Variants in VAX2 observed in about 807,000 individuals in gnomAD.
The protein encoded by VAX2 is ventral anterior homeobox 2.
Under a neutral mutation model 12.5 loss-of-function variants are expected in VAX2, and 8 were observed. The observed-to-expected ratio is 0.64, with a 90% confidence interval of 0.37 to 1.15. The LOEUF (loss-of-function observed/expected upper bound fraction) is 1.15. Among genes scored for constraint, VAX2 ranks in the 50% most tolerant of loss-of-function variants. The pLI is 0.01. For synonymous variants in VAX2, 183 were observed against 187.6 expected, an observed-to-expected ratio of 0.98 and a Z score of 0.20; for missense variants, 476 against 412.9, an observed-to-expected ratio of 1.15 and a Z score of -1.32.
intron 1 of VAX2, among the ~76,000 whole-genome samples, chr2:70,917,483 A>T (rs1201174167): frequency 6.6e-6 from 1 of 152,066 alleles, no homozygotes; most frequent in Non-Finnish European, 1.5e-5. Flanking sequence ...CCTACCAGCA[A>T]TGTAAGAGAG....
At chr2:70,930,112 C>CAGA (rs1679661460) in intron 2 of VAX2, among the ~76,000 whole-genome samples, 1 of 152,226 alleles carries the variant, frequency 6.6e-6, no homozygotes, top group Non-Finnish European at 1.5e-5. Context: ...GCAAGAGGAT[C>CAGA]ACTTGAGGCC....
At chr2:70,906,473 C>A (rs555364345) in intron 1 of VAX2, among the ~76,000 whole-genome samples, 2 of 150,112 alleles carry the variant, frequency 1.3e-5, no homozygotes, top group South Asian at 4.2e-4. Context: ...CCATCTCCCC[C>A]GTGGCCTTAA....
intron 1 of VAX2, 122 bp from the exon 2 acceptor site, chr2:70,920,976 T>C (rs782472813): frequency 9.1e-6 from 11 of 1,212,616 alleles, no homozygotes; most frequent in Non-Finnish European, 1.1e-5. Context: ...TCACAGGTCA[T>C]GCAACCAGAT....
At chr2:70,917,315 C>T (rs977070446) in intron 1 of VAX2, among the ~76,000 whole-genome samples, 1 of 106,496 alleles carries the variant, frequency 9.4e-6, no homozygotes, top group South Asian at 3.0e-4. Flanking sequence ...GAGCGAGACT[C>T]TATCTCCAAA....
rs1180829927 is a variant in VAX2, at chr2:70,900,829, C to T, written c.208C>T (p.Pro70Ser). The change falls in exon 1 of 3, where the codon CCC becomes TCC. Residue 70 changes from proline (P) to serine (S), a missense_variant. Physicochemically the swap from Pro to Ser is moderately conservative, Grantham distance 74 (BLOSUM62 -1). Transcript: ENST00000234392. Reference protein sequence around the residue: ...SGADSDGQPGPGEADHCRRIL... With the variant: ...SGADSDGQPGSGEADHCRRIL... ...AGCCGACAGCGACGGGCAGCCCGGG[C>T]CCGGCGAGGCAGACCACTGCCGCCG... is the stretch of plus-strand genomic sequence containing the variant. 5 of 1,472,950 alleles carry T rather than the reference C, an allele frequency of 3.4e-6. No homozygotes were observed. In the African/African-American group the frequency reaches 4.4e-5, roughly 13 times the overall value. 91.2% of individuals were successfully genotyped at this position (1,472,950 alleles called of 1,614,324 possible). A position where few individuals can be genotyped will look rare whatever the true frequency, so the allele number is the denominator to read the frequency against.
chr2:70,901,387 G>T (rs1242602376), intron 1 of VAX2, among the ~76,000 whole-genome samples: 2 of 152,250 alleles, frequency 1.3e-5, no homozygotes, highest in African/African-American at 4.8e-5. Context: ...CAGGGGAGAC[G>T]GCGCGGGACG....
chr2:70,900,614 C>G lies in VAX2; in HGVS notation c.-8C>G. ...TCCGCCGTAGAGGGGTTGGCAGTGG[C>G]GGTCAGCATGGGCGATGGGGGCGCC... On this transcript the variant is annotated 5_prime_UTR_variant, in exon 1 of 3. Transcript: ENST00000234392. 7.9e-7 allele frequency: 1 copy of G among 1,259,070 alleles called. No homozygotes were observed. The highest frequency in any genetic ancestry group is 1.6e-5 in the African/African-American group (1 of 64,484). The allele number at this position is 1,259,070 out of a possible 1,614,324, so 78.0% of individuals were successfully genotyped here.
chr2:70,919,221 G>A lies in VAX2; in HGVS notation c.248-1877G>A, dbSNP rs552294909. ...TGCACTTCAGCCTAAGCAACAGAGTGTGTCTCCACAAAAAAAAAAAAAAAA... is the reference window on the plus strand; with the variant it reads ...TGCACTTCAGCCTAAGCAACAGAGTATGTCTCCACAAAAAAAAAAAAAAAA... On this transcript the variant is annotated intron_variant, in intron 1 of 2. Coordinates refer to ENST00000234392, the MANE Select transcript of VAX2 (RefSeq NM_012476.3). Among the ~76,000 whole-genome samples, 15 of 139,518 alleles carry A rather than the reference G, an allele frequency of 1.1e-4. No individual in the cohort carries two copies. The East Asian group carries it at 3.3e-3, about 31-fold the overall frequency. 91.5% of individuals were successfully genotyped at this position (139,518 alleles called of 152,430 possible). A position where few individuals can be genotyped will look rare whatever the true frequency, so the allele number is the denominator to read the frequency against.
Position 70,904,073 on chromosome 2 carries a change from GGC to G in VAX2, c.247+3208_247+3209del, listed in dbSNP as rs781834051. ...CCAGAGCTGCTGAGATGATAGGCCGGGCGCATAACAGGCACCCCGCACATCGC... is the reference window on the plus strand; with the variant it reads ...CCAGAGCTGCTGAGATGATAGGCCGGGCATAACAGGCACCCCGCACATCGC... On this transcript the variant is annotated intron_variant, in intron 1 of 2. Transcript: ENST00000234392. The surrounding 1 kb of genome is among the most constrained non-coding windows in gnomAD (Gnocchi z 4.2). Among the ~76,000 whole-genome samples the G allele has an allele frequency of 6.6e-6, 1 of 152,190 alleles. No homozygotes were observed. Among genetic ancestry groups the G allele is most frequent in the Non-Finnish European group, 1.5e-5 (1 of 68,026 alleles).
Position 70,932,853 on chromosome 2 carries a change from C to A in VAX2, c.522C>A (p.Ser174=). The A allele has an allele frequency of 6.2e-7, 1 of 1,613,586 alleles. No homozygotes were observed. Among genetic ancestry groups the A allele is most frequent in the Non-Finnish European group, 8.5e-7 (1 of 1,179,932 alleles). Residue 174 remains serine (S), a synonymous_variant, in exon 3 of 3, where the codon TCC becomes TCA. Coordinates refer to ENST00000234392, the MANE Select transcript of VAX2 (RefSeq NM_012476.3). ...DLEKRASSSA[S]EAFATSNILR... ...AGAAGCGGGCGTCCTCCTCAGCCTC[C>A]GAGGCCTTTGCCACCTCCAACATTC... is the stretch of plus-strand genomic sequence containing the variant.
intron 2 of VAX2, among the ~76,000 whole-genome samples, chr2:70,932,384 A>G (rs995746350): frequency 6.6e-6 from 1 of 152,086 alleles, no homozygotes; most frequent in East Asian, 1.9e-4. Context: ...CAGCACATAA[A>G]TGGTGGCTGA....
At chr2:70,921,577 G>A (rs1679459632) in intron 2 of VAX2, among the ~76,000 whole-genome samples, 1 of 152,042 alleles carries the variant, frequency 6.6e-6, no homozygotes, top group Non-Finnish European at 1.5e-5. Flanking sequence ...TCAGGGCACA[G>A]GGAGTGGCTT....
chr2:70,913,760 G>A (rs562051136), intron 1 of VAX2, among the ~76,000 whole-genome samples: 1 of 151,976 alleles, frequency 6.6e-6, no homozygotes, highest in African/African-American at 2.4e-5. Flanking sequence ...CCAGTACAAG[G>A]TTTACAGGAA....
chr2:70,906,862 G>A (rs1168766951), intron 1 of VAX2, among the ~76,000 whole-genome samples: 1 of 152,190 alleles, frequency 6.6e-6, no homozygotes, highest in African/African-American at 2.4e-5. Flanking sequence ...AGTCGAGGGG[G>A]CGGGCTCCCC....
intron 2 of VAX2, among the ~76,000 whole-genome samples, chr2:70,930,139 AGT>A (rs1328461454): frequency 5.3e-5 from 8 of 152,242 alleles, no homozygotes; most frequent in African/African-American, 1.9e-4. Context: ...TTGAGGCTGC[AGT>A]GAGCTCTCAT....
chr2:70,920,202 C>A (rs947283007), intron 1 of VAX2, among the ~76,000 whole-genome samples: 7 of 152,212 alleles, frequency 4.6e-5, no homozygotes, highest in African/African-American at 1.4e-4. Flanking sequence ...TGTGATGCTG[C>A]ATATTTCCAC....
At chr2:70,920,122 A>G (rs1379062959) in intron 1 of VAX2, among the ~76,000 whole-genome samples, 5 of 152,150 alleles carry the variant, frequency 3.3e-5, no homozygotes, top group African/African-American at 9.7e-5. Context: ...AAGTAATGGA[A>G]ATTCCTGTTA....
chr2:70,919,286 C>T (rs1184839084), intron 1 of VAX2, among the ~76,000 whole-genome samples: 2 of 150,088 alleles, frequency 1.3e-5, no homozygotes, highest in African/African-American at 4.9e-5. Context: ...GTTTCTTGGA[C>T]ACTGCCAGTA....
chr2:70,917,213 T>G (rs1323692672), intron 1 of VAX2, among the ~76,000 whole-genome samples: 8 of 147,302 alleles, frequency 5.4e-5, no homozygotes, highest in African/African-American at 2.0e-4. Flanking sequence ...CCCCAGCTAC[T>G]CAGGAGGCTG....
Sources: gnomAD v4.1 joint callset for allele counts (sites outside exome capture counted in the v4.1 genomes callset) on GRCh38, gnomAD v4.1.1 for gene constraint, Gnocchi (gnomAD v3.1) non-coding constraint, MANE v1.5 for transcripts, NCBI Gene and HGNC (gene_info 2026-07-23, HGNC 2026-07-21) for gene names.